LRRC8C: variants seen among roughly 807,000 people sequenced by gnomAD.
The protein encoded by LRRC8C is leucine rich repeat containing 8 VRAC subunit C.
Under a neutral mutation model 55.3 loss-of-function variants are expected in LRRC8C, and 20 were observed. The ratio of observed to expected loss-of-function variants is 0.36; its 90% CI spans 0.25 to 0.53. The LOEUF (loss-of-function observed/expected upper bound fraction) is 0.53. Among genes scored for constraint, LRRC8C ranks in the 20% least tolerant of loss-of-function variants. LRRC8C has a pLI of 0.92. For synonymous variants in LRRC8C, 376 were observed against 360.7 expected (o/e 1.04, Z -0.48); for missense variants, 659 against 951.4 (o/e 0.69, Z 4.04).
chr1:89,712,285 G>T (rs558727205), intron 2 of LRRC8C, among the ~76,000 whole-genome samples: 2 of 152,096 alleles, frequency 1.3e-5, no homozygotes, highest in Non-Finnish European at 2.9e-5. Flanking sequence ...GCTAATTTTC[G>T]TATTTTTAGT....
At chr1:89,672,608 G>A (rs1272419605) in intron 1 of LRRC8C, among the ~76,000 whole-genome samples, 1 of 152,062 alleles carries the variant, frequency 6.6e-6, no homozygotes, top group African/African-American at 2.4e-5. Flanking sequence ...TCAGCCTCTA[G>A]AAACAGAAAG....
At chr1:89,705,833 A>T (rs964593405) in intron 2 of LRRC8C, among the ~76,000 whole-genome samples, 1 of 152,144 alleles carries the variant, frequency 6.6e-6, no homozygotes, top group African/African-American at 2.4e-5. Flanking sequence ...TAGCAAAAAA[A>T]TAAAATACAT....
At chr1:89,705,003 G>A (rs1658434897) in intron 2 of LRRC8C, among the ~76,000 whole-genome samples, 1 of 151,820 alleles carries the variant, frequency 6.6e-6, no homozygotes, top group Non-Finnish European at 1.5e-5. Context: ...ATTCACAATA[G>A]CAAAGACTTG....
At chr1:89,709,164 C>T (rs1025707683) in intron 2 of LRRC8C, among the ~76,000 whole-genome samples, 2 of 152,216 alleles carry the variant, frequency 1.3e-5, no homozygotes, top group African/African-American at 4.8e-5. Context: ...CAAAGCCATC[C>T]TAGCGGAAGC....
chr1:89,643,119 C>A (rs1210563280), intron 1 of LRRC8C, among the ~76,000 whole-genome samples: 1 of 152,060 alleles, frequency 6.6e-6, no homozygotes, highest in Non-Finnish European at 1.5e-5. Flanking sequence ...TGAGACAGGG[C>A]CTTGCTCTGT....
At position 89,715,106 on chromosome 1, in the gene LRRC8C, TA is replaced by T; in HGVS notation, c.*126del. On this transcript the variant is annotated 3_prime_UTR_variant, in exon 3 of 3. Coordinates refer to ENST00000370454, the MANE Select transcript of LRRC8C (RefSeq NM_032270.5). ...ACACAAAATGTACACAAAGATCGCG[TA>T]AGGAGTATGTATTTTTAATAAAAAT... The T allele has an allele frequency of 3.9e-6, 2 of 506,792 alleles. No homozygotes were observed. The highest frequency in any genetic ancestry group is 1.2e-4 in the South Asian group (2 of 17,084). 31.4% of individuals were successfully genotyped at this position (506,792 alleles called of 1,614,324 possible).
At chr1:89,619,818 T>C in the LRRC8C span, among the ~76,000 whole-genome samples, 1 of 152,188 alleles carries the variant, frequency 6.6e-6, no homozygotes, top group Admixed American at 6.5e-5. Context: ...TAATATTTTA[T>C]ATGTATTAAA....
intron 1 of LRRC8C, among the ~76,000 whole-genome samples, chr1:89,655,769 C>T (rs1443479058): frequency 6.6e-6 from 1 of 152,192 alleles, no homozygotes; most frequent in Admixed American, 6.5e-5. Flanking sequence ...TTAAAGATCT[C>T]CTTACTACCC....
At chr1:89,640,354 C>A (rs1656420243) in intron 1 of LRRC8C, among the ~76,000 whole-genome samples, 1 of 152,240 alleles carries the variant, frequency 6.6e-6, no homozygotes, top group Non-Finnish European at 1.5e-5. Flanking sequence ...TGAGCCACTG[C>A]ACCCAGCCTC....
At chr1:89,682,413 G>A (rs1228235377) in intron 1 of LRRC8C, among the ~76,000 whole-genome samples, 1 of 152,184 alleles carries the variant, frequency 6.6e-6, no homozygotes, top group Non-Finnish European at 1.5e-5. Flanking sequence ...CACCTGTTGT[G>A]AGTATTCAGG....
chr1:89,640,224 C>G (rs935503029), intron 1 of LRRC8C, among the ~76,000 whole-genome samples: 7 of 152,194 alleles, frequency 4.6e-5, no homozygotes, highest in African/African-American at 1.7e-4. Flanking sequence ...GCCGCCGCAC[C>G]CAGCCAATTT....
chr1:89,639,657 G>A (rs1656401077), intron 1 of LRRC8C, among the ~76,000 whole-genome samples: 1 of 152,178 alleles, frequency 6.6e-6, no homozygotes, highest in Non-Finnish European at 1.5e-5. Context: ...CACTGAAACT[G>A]CCACAAGGGC....
chr1:89,714,957 T>C lies in LRRC8C; in HGVS notation c.2387T>C (p.Val796Ala), dbSNP rs772620539. 1 of 1,587,024 alleles carries C rather than the reference T, an allele frequency of 6.3e-7. No homozygotes were observed. ...DALFETLPSD[V>A]REQMKTE ...CTGTTTGAAACTCTGCCTTCTGACGTCCGGGAGCAAATGAAAACAGAATAA... is the reference window on the plus strand; with the variant it reads ...CTGTTTGAAACTCTGCCTTCTGACGCCCGGGAGCAAATGAAAACAGAATAA... The change falls in exon 3 of 3, where the codon GTC becomes GCC. Residue 796 changes from valine (V) to alanine (A), a missense_variant. This residue lies in a region of LRRC8C where 344 missense variants were observed against 464.6 expected (regional missense o/e 0.74). Coordinates refer to ENST00000370454, the MANE Select transcript of LRRC8C (RefSeq NM_032270.5). The surrounding 1 kb of genome is among the most constrained non-coding windows in gnomAD (Gnocchi z 4.6).
At chr1:89,643,406 T>A (rs765040265) in intron 1 of LRRC8C, among the ~76,000 whole-genome samples, 19 of 152,244 alleles carry the variant, frequency 1.2e-4, no homozygotes, top group Non-Finnish European at 2.5e-4. Context: ...TTAATGAACC[T>A]ATACAAATAG....
chr1:89,623,336 T>A, the LRRC8C span, among the ~76,000 whole-genome samples: 1 of 152,074 alleles, frequency 6.6e-6, no homozygotes, highest in Non-Finnish European at 1.5e-5. Flanking sequence ...ATTAATGGTG[T>A]CTTTTCTTTG....
At chr1:89,668,793 A>C (rs533319889) in intron 1 of LRRC8C, among the ~76,000 whole-genome samples, 1 of 152,302 alleles carries the variant, frequency 6.6e-6, no homozygotes, top group Non-Finnish European at 1.5e-5. Context: ...TCGTGGATTT[A>C]ATATGGAGGT....
intron 1 of LRRC8C, among the ~76,000 whole-genome samples, chr1:89,685,244 G>A (rs1030703168): frequency 2.7e-5 from 4 of 147,236 alleles, no homozygotes; most frequent in South Asian, 2.2e-4. Flanking sequence ...TCAGCCTCCC[G>A]AGTAGCTGGG....
intron 1 of LRRC8C, among the ~76,000 whole-genome samples, chr1:89,653,115 C>T (rs950583786): frequency 6.6e-5 from 10 of 152,126 alleles, no homozygotes; most frequent in African/African-American, 1.9e-4. Context: ...ATCTGACTTG[C>T]GTTTTCAAAG....
intron 1 of LRRC8C, among the ~76,000 whole-genome samples, chr1:89,659,925 A>C (rs1657066422): frequency 6.6e-6 from 1 of 152,212 alleles, no homozygotes; most frequent in African/African-American, 2.4e-5. Flanking sequence ...TTGAGAATAT[A>C]AATAACCCAG....
Sources: gnomAD v4.1 joint callset for allele counts (sites outside exome capture counted in the v4.1 genomes callset) on GRCh38, gnomAD v4.1.1 for gene constraint, gnomAD v4.1.1 regional missense constraint, Gnocchi (gnomAD v3.1) non-coding constraint, MANE v1.5 for transcripts, NCBI Gene and HGNC (gene_info 2026-07-23, HGNC 2026-07-21) for gene names.